The following HECTD2 variants were observed in gnomAD, a reference collection of about 807,000 sequenced individuals.
HECTD2 encodes probable E3 ubiquitin-protein ligase HECTD2.
A neutral mutation model predicts 103.2 loss-of-function variants in HECTD2; 35 were observed. That is an observed-to-expected ratio of 0.34 (90% CI 0.26 to 0.45). HECTD2 has a LOEUF of 0.45. Among genes scored for constraint, HECTD2 ranks in the 20% least tolerant of loss-of-function variants. The probability of loss-of-function intolerance (pLI) is 1.00; values close to 1 mark genes in which losing one functional copy is unlikely to be tolerated. For synonymous variants in HECTD2, 281 were observed against 329.9 expected, an observed-to-expected ratio of 0.85 and a Z score of 1.61; for missense variants, 596 against 937.4, an observed-to-expected ratio of 0.64 and a Z score of 4.76.
At chr10:91,411,158 T>C (rs1297171907) in intron 1 of HECTD2, among the ~76,000 whole-genome samples, 1 of 152,128 alleles carries the variant, frequency 6.6e-6, no homozygotes, top group Non-Finnish European at 1.5e-5. Context: ...GGGGGGAGGC[T>C]TTTTGAACCT....
intron 1 of HECTD2, among the ~76,000 whole-genome samples, chr10:91,413,437 C>G (rs1271206490): frequency 6.6e-6 from 1 of 152,184 alleles, no homozygotes; most frequent in Non-Finnish European, 1.5e-5. Flanking sequence ...ACATCTCACC[C>G]TAGAGCACCT....
chr10:91,439,358 G>A (rs1228119710), intron 2 of HECTD2, among the ~76,000 whole-genome samples: 2 of 152,058 alleles, frequency 1.3e-5, no homozygotes, highest in African/African-American at 4.8e-5. Context: ...GATTGTTTTT[G>A]TCAGATTTGT....
intron 1 of HECTD2, among the ~76,000 whole-genome samples, chr10:91,417,134 AT>A (rs962468361): frequency 6.6e-6 from 1 of 152,078 alleles, no homozygotes; most frequent in Admixed American, 6.6e-5. Context: ...TGATTTCCCT[AT>A]TTTTTCTCCT....
intron 2 of HECTD2, among the ~76,000 whole-genome samples, chr10:91,435,887 A>T (rs973415712): frequency 4.4e-4 from 66 of 151,480 alleles, no homozygotes; most frequent in African/African-American, 1.4e-3. Context: ...TGGACTCCTA[A>T]TTTTCTTTTT....
At chr10:91,461,883 T>C (rs1050629604) in intron 4 of HECTD2, among the ~76,000 whole-genome samples, 22 of 152,288 alleles carry the variant, frequency 1.4e-4, no homozygotes, top group Middle Eastern at 3.4e-3. Flanking sequence ...CTAATGTTCA[T>C]GTTTAACTCC....
chr10:91,422,749 G>A (rs1213200134), intron 1 of HECTD2, among the ~76,000 whole-genome samples: 1 of 152,032 alleles, frequency 6.6e-6, no homozygotes, highest in East Asian at 1.9e-4. Flanking sequence ...GTGTATCACT[G>A]TCTTACCTCT....
At chr10:91,414,471 G>A (rs935774058) in intron 1 of HECTD2, among the ~76,000 whole-genome samples, 12 of 152,160 alleles carry the variant, frequency 7.9e-5, no homozygotes, top group African/African-American at 2.9e-4. Flanking sequence ...TTTGTGCTAG[G>A]TGCTACAAAA....
At position 91,425,386 on chromosome 10, in the gene HECTD2, C is replaced by A; in HGVS notation, c.244C>A (p.Leu82Ile). Residue 82 changes from leucine (L) to isoleucine (I), a missense_variant, in exon 2 of 21, where the codon CTT becomes ATT. By Grantham distance (5) the Leu-to-Ile change is conservative. This residue lies in a region of HECTD2 where 220 missense variants were observed against 233.9 expected (regional missense o/e 0.94). Transcript: ENST00000298068. ...TGAAAACAGAAGTTCACCTGCACAT[C>A]TTGTTTTCCCTAACATCAAGAATGG... ...AAENRSSPAHLVFPNIKNVRE... is the reference protein window; with the variant it reads ...AAENRSSPAHIVFPNIKNVRE... 6.4e-7 allele frequency: 1 copy of A among 1,568,374 alleles called. No homozygotes were observed. The highest frequency in any genetic ancestry group is 8.7e-7 in the Non-Finnish European group (1 of 1,153,118).
At position 91,499,620 on chromosome 10, in the gene HECTD2, G is replaced by A. The variant is rs115985032; in HGVS notation, c.1950+470G>A. 6.0e-3 allele frequency among the ~76,000 whole-genome samples: 911 copies of A among 152,286 alleles called. 14 individuals carry two copies. The highest frequency in any genetic ancestry group is 0.021 in the African/African-American group (876 of 41,558). ...TATCTCTAGAGTTATGGTGGACTCA[G>A]TTTGGTCTGACTTGTCTTAGCCATG... is the stretch of plus-strand genomic sequence containing the variant. On this transcript the variant is annotated intron_variant, in intron 18 of 20. Coordinates refer to ENST00000298068, the MANE Select transcript of HECTD2 (RefSeq NM_182765.6).
intron 2 of HECTD2, among the ~76,000 whole-genome samples, chr10:91,430,895 A>G (rs373175410): frequency 4.1e-4 from 62 of 149,844 alleles, no homozygotes; most frequent in South Asian, 2.1e-4. Flanking sequence ...AGTTAATATC[A>G]TTATGTGTGA....
At chr10:91,472,616 C>T (rs965970471) in intron 5 of HECTD2, among the ~76,000 whole-genome samples, 9 of 152,006 alleles carry the variant, frequency 5.9e-5, no homozygotes, top group South Asian at 2.1e-4. Flanking sequence ...CAAAAGCAAA[C>T]GACTTCATTA....
chr10:91,428,526 A>G (rs1413462946), intron 2 of HECTD2, among the ~76,000 whole-genome samples: 2 of 152,128 alleles, frequency 1.3e-5, no homozygotes, highest in Admixed American at 6.6e-5. Context: ...ATGTTCTTCC[A>G]TTTGTTTATA....
chr10:91,435,536 T>C (rs981952505), intron 2 of HECTD2, among the ~76,000 whole-genome samples: 49 of 151,924 alleles, frequency 3.2e-4, no homozygotes, highest in Non-Finnish European at 8.8e-5. Context: ...AGTATCAACA[T>C]TGCTAAATTT....
chr10:91,508,975 G>T (rs1345466865), intron 20 of HECTD2, among the ~76,000 whole-genome samples: 2 of 151,810 alleles, frequency 1.3e-5, no homozygotes, highest in African/African-American at 4.8e-5. Context: ...TCCTTTGTAG[G>T]GATATGGATG....
chr10:91,488,680 A>G (rs1288512978), intron 11 of HECTD2: 2 of 152,140 alleles, frequency 1.3e-5, no homozygotes, highest in Non-Finnish European at 2.9e-5. Context: ...AAAAATAAGA[A>G]TGTTTATTCT....
chr10:91,444,599 A>G (rs1351253290), intron 2 of HECTD2, among the ~76,000 whole-genome samples: 1 of 152,204 alleles, frequency 6.6e-6, no homozygotes, highest in Admixed American at 6.5e-5. Flanking sequence ...AAGAAAAATA[A>G]CAGACTGCAG....
chr10:91,440,662 C>G (rs1414147068), intron 2 of HECTD2, among the ~76,000 whole-genome samples: 1 of 111,108 alleles, frequency 9.0e-6, no homozygotes, highest in Non-Finnish European at 1.8e-5. Flanking sequence ...GTAACAGCTC[C>G]TCTTTGTATC....
chr10:91,422,377 C>G (rs1024818705), intron 1 of HECTD2, among the ~76,000 whole-genome samples: 2 of 152,138 alleles, frequency 1.3e-5, no homozygotes, highest in Non-Finnish European at 2.9e-5. Context: ...GCTAAGTTAA[C>G]AAAGGTCTGT....
chr10:91,510,136 T>C lies in HECTD2; in HGVS notation c.2211-2128T>C, dbSNP rs150183845. On this transcript the variant is annotated intron_variant, in intron 20 of 20. Transcript: ENST00000298068. ...CCAGATGCCTTCTCCCAGTGCCTCTTAGAATAAAGTCCATGGAGAAAATAA... is the reference window on the plus strand; with the variant it reads ...CCAGATGCCTTCTCCCAGTGCCTCTCAGAATAAAGTCCATGGAGAAAATAA... 3.4e-3 allele frequency among the ~76,000 whole-genome samples: 520 copies of C among 152,300 alleles called. 3 individuals carry two copies. The highest frequency in any genetic ancestry group is 6.8e-3 in the South Asian group (33 of 4,820).
Sources: allele counts gnomAD v4.1 joint callset (sites outside exome capture counted in the v4.1 genomes callset), GRCh38; gene constraint gnomAD v4.1.1; regional missense constraint gnomAD v4.1.1; transcripts MANE v1.5; gene names NCBI Gene and HGNC (gene_info 2026-07-23, HGNC 2026-07-21).